Variants in PLG observed in about 807,000 individuals in gnomAD.
PLG encodes the protein plasminogen.
A neutral mutation model predicts 104.4 loss-of-function variants in PLG; 41 were observed. That is an observed-to-expected ratio of 0.39 (90% confidence interval 0.31 to 0.51). PLG has a LOEUF of 0.51. PLG is among the 20% of genes least tolerant of loss of function. PLG has a pLI of 0.76. For missense variants in PLG, 891 were observed against 1,003.6 expected, an observed-to-expected ratio of 0.89 and a Z score of 1.52; for synonymous variants, 337 against 357.1, an observed-to-expected ratio of 0.94 and a Z score of 0.63.
Position 160,734,643 on chromosome 6 carries a change from A to T in PLG, c.1681+555A>T, listed in dbSNP as rs900269845. Reference sequence around the variant, plus strand: ...AGACTGCTTGTTGGGTTCCATCCTCATTGCTCTGAGACTCTTGTTGGGAGT... The same window carrying T: ...AGACTGCTTGTTGGGTTCCATCCTCTTTGCTCTGAGACTCTTGTTGGGAGT... On this transcript the variant is annotated intron_variant, in intron 13 of 18. Transcript: ENST00000308192. The surrounding 1 kb of genome is among the most constrained non-coding windows in gnomAD (Gnocchi z 4.4). Among the ~76,000 whole-genome samples the T allele has an allele frequency of 3.3e-5, 5 of 150,796 alleles. No homozygotes were observed. Among genetic ancestry groups the T allele is most frequent in the African/African-American group, 1.2e-4 (5 of 40,974 alleles).
intron 3 of PLG, chr6:160,708,394 A>G (rs896148533): frequency 4.6e-5 from 7 of 152,846 alleles, no homozygotes; most frequent in African/African-American, 1.7e-4. Context: ...ATGTGGGTCA[A>G]TAGTCCCACT....
Position 160,741,988 on chromosome 6 carries a change from T to TAC in PLG, c.2125+572_2125+573dup, listed in dbSNP as rs1778204621. Among the ~76,000 whole-genome samples the TAC allele has an allele frequency of 6.6e-6, 1 of 152,180 alleles. No homozygotes were observed. The highest frequency in any genetic ancestry group is 6.5e-5 in the Admixed American group (1 of 15,268). ...CCATTCATGTTCCTGTAAAAGATAT[T>TAC]ACCTCATTCTTTCTTATGGCTAAAC... On this transcript the variant is annotated intron_variant, in intron 17 of 18. Transcript: ENST00000308192. The surrounding 1 kb of genome is among the most constrained non-coding windows in gnomAD (Gnocchi z 4.7).
rs529973150 is a variant in PLG at position 160,726,839 on chromosome 6, T to C, written c.1257-4212T>C. On this transcript the variant is annotated intron_variant, in intron 10 of 18. Coordinates refer to ENST00000308192, the MANE Select transcript of PLG (RefSeq NM_000301.5). The surrounding 1 kb of genome is among the most constrained non-coding windows in gnomAD (Gnocchi z 4.4). ...TTAAAGGGGTCTTAAGACCAAAAAC[T>C]TTGAGAACTGTTGATTTAAGATAAC... Among the ~76,000 whole-genome samples, 69 of 151,870 alleles carry C rather than the reference T, an allele frequency of 4.5e-4. No homozygotes were observed. Among genetic ancestry groups the C allele is most frequent in the Non-Finnish European group, 9.6e-4 (65 of 67,854 alleles).
chr6:160,747,653 T>G (rs141847071), intron 17 of PLG, among the ~76,000 whole-genome samples: 89 of 152,306 alleles, frequency 5.8e-4, no homozygotes, highest in African/African-American at 2.1e-3. Flanking sequence ...TAATCAAACA[T>G]TTAAAAACGA....
intron 17 of PLG, among the ~76,000 whole-genome samples, chr6:160,747,141 A>G (rs1397393278): frequency 6.6e-6 from 1 of 152,188 alleles, no homozygotes; most frequent in Non-Finnish European, 1.5e-5. Flanking sequence ...CCAAATACCC[A>G]CATGTCTAAT....
At chr6:160,743,405 T>C (rs909741222) in intron 17 of PLG, among the ~76,000 whole-genome samples, 4 of 152,248 alleles carry the variant, frequency 2.6e-5, no homozygotes, top group African/African-American at 4.8e-5. Context: ...TTACATATTT[T>C]ATTCTTTTTG....
intron 1 of PLG, among the ~76,000 whole-genome samples, chr6:160,703,791 C>G (rs1386009739): frequency 6.6e-6 from 1 of 152,196 alleles, no homozygotes; most frequent in African/African-American, 2.4e-5. Context: ...GTGGGCTACA[C>G]CCAAAGGCTA....
rs1778119203 is a variant in PLG at position 160,738,123 on chromosome 6, T to A, written c.1803-415T>A. Among the ~76,000 whole-genome samples the A allele has an allele frequency of 1.3e-5, 2 of 152,230 alleles. No individual in the cohort carries two copies. On this transcript the variant is annotated intron_variant, in intron 14 of 18. Transcript: ENST00000308192. This position sits in a 1 kb window ranked among gnomAD's most constrained non-coding sequence, Gnocchi z 6.8. ...TGAGTCACTGCTGCTCAGGATCACA[T>A]CTGGCTCCTTGAAGAGTGATTCATC... is the stretch of plus-strand genomic sequence containing the variant.
intron 4 of PLG, 171 bp downstream of exon 4, chr6:160,711,362 C>A (rs1289227407): frequency 8.5e-6 from 6 of 703,122 alleles, no homozygotes; most frequent in Non-Finnish European, 1.4e-5. Context: ...CTTGTATAAT[C>A]CCTAATATAA....
At chr6:160,727,154 A>AC (rs1056009645) in intron 10 of PLG, among the ~76,000 whole-genome samples, 3 of 151,952 alleles carry the variant, frequency 2.0e-5, no homozygotes. Flanking sequence ...GAGCAACTTT[A>AC]CGTTAACAAA....
At chr6:160,722,805 G>A (rs1436630204) in intron 10 of PLG, among the ~76,000 whole-genome samples, 1 of 152,122 alleles carries the variant, frequency 6.6e-6, no homozygotes, top group Non-Finnish European at 1.5e-5. Flanking sequence ...TGGAGGTGAT[G>A]AGGTCACATT....
At position 160,739,678 on chromosome 6, in the gene PLG, T is replaced by C. The variant is rs924010839; in HGVS notation, c.2018+470T>C. On this transcript the variant is annotated intron_variant, in intron 16 of 18. Coordinates refer to ENST00000308192, the MANE Select transcript of PLG (RefSeq NM_000301.5). The surrounding 1 kb of genome is among the most constrained non-coding windows in gnomAD (Gnocchi z 4.4). Reference sequence around the variant, plus strand: ...TGGGAGGCTGAGGCAGGAGGGTCACTTGAGTCCCGGAGTTTGAGGCTGCAG... The same window carrying C: ...TGGGAGGCTGAGGCAGGAGGGTCACCTGAGTCCCGGAGTTTGAGGCTGCAG... Among the ~76,000 whole-genome samples, 1 of 151,288 alleles carries C rather than the reference T, an allele frequency of 6.6e-6. No homozygotes were observed. The highest frequency in any genetic ancestry group is 2.4e-5 in the African/African-American group (1 of 41,208).
rs1337295454 is a variant in PLG at position 160,737,893 on chromosome 6, C to T, written c.1803-645C>T. ...TATTTCAGATTCATTCTTTCCTAAACTATGTGGTGGTCTACGTCCTCACTG... is the reference window on the plus strand; with the variant it reads ...TATTTCAGATTCATTCTTTCCTAAATTATGTGGTGGTCTACGTCCTCACTG... On this transcript the variant is annotated intron_variant, in intron 14 of 18. Transcript: ENST00000308192. The surrounding 1 kb of genome is among the most constrained non-coding windows in gnomAD (Gnocchi z 4.7). 6.6e-6 allele frequency among the ~76,000 whole-genome samples: 1 copy of T among 151,676 alleles called. No homozygotes were observed. The highest frequency in any genetic ancestry group is 2.0e-4 in the East Asian group (1 of 5,088).
At chr6:160,721,157 A>G (rs1054680237) in intron 9 of PLG, among the ~76,000 whole-genome samples, 1 of 152,190 alleles carries the variant, frequency 6.6e-6, no homozygotes, top group African/African-American at 2.4e-5. Context: ...ATACTAATGT[A>G]GGTATCACAC....
Position 160,711,071 on chromosome 6 carries a change from C to T in PLG, c.293-6C>T, listed in dbSNP as rs201195910. 2 of 1,612,956 alleles carry T rather than the reference C, an allele frequency of 1.2e-6. No individual in the cohort carries two copies. The highest frequency in any genetic ancestry group is 8.5e-7 in the Non-Finnish European group (1 of 1,179,132). On this transcript the variant is annotated splice_polypyrimidine_tract_variant and splice_region_variant and intron_variant, in intron 3 of 18. Transcript: ENST00000308192. ...GACTTTGACCACTGTGTGGACTTCC[C>T]TTCAGTGTATCTCTCAGAGTGCAAG...
At position 160,738,936 on chromosome 6, in the gene PLG, G is replaced by T. The variant is rs973468155; in HGVS notation, c.1878-132G>T. ...CTGTTTCAAGCAAATCATGAATTTT[G>T]CTTCTTGCCACTCAGAAGTCACTAA... is the stretch of plus-strand genomic sequence containing the variant. On this transcript the variant is annotated intron_variant, in intron 15 of 18. Transcript: ENST00000308192. The surrounding 1 kb of genome is among the most constrained non-coding windows in gnomAD (Gnocchi z 6.8). 2 of 1,021,832 alleles carry T rather than the reference G, an allele frequency of 2.0e-6. No individual in the cohort carries two copies. Among genetic ancestry groups the T allele is most frequent in the Non-Finnish European group, 3.1e-6 (2 of 649,506 alleles). The allele number at this position is 1,021,832 out of a possible 1,614,324, so 63.3% of individuals were successfully genotyped here. A position where few individuals can be genotyped will look rare whatever the true frequency, so the allele number is the denominator to read the frequency against.
chr6:160,704,889 T>C (rs1777489076), intron 1 of PLG, among the ~76,000 whole-genome samples: 1 of 152,210 alleles, frequency 6.6e-6, no homozygotes, highest in African/African-American at 2.4e-5. Context: ...AATGAAAATC[T>C]GTTCATTTGC....
In PLG at chr6:160,724,405, A is replaced by C. The variant is rs969823763; in HGVS notation, c.1256+1838A>C. On this transcript the variant is annotated intron_variant, in intron 10 of 18. Coordinates refer to ENST00000308192, the MANE Select transcript of PLG (RefSeq NM_000301.5). The surrounding 1 kb of genome is among the most constrained non-coding windows in gnomAD (Gnocchi z 5.0). ...ACTAGAAAATAATTCAATAGAAGTG[A>C]TACAAACTGCAGCACACACATACAA... 6.6e-6 allele frequency among the ~76,000 whole-genome samples: 1 copy of C among 152,188 alleles called. No homozygotes were observed. Among genetic ancestry groups the C allele is most frequent in the Non-Finnish European group, 1.5e-5 (1 of 68,032 alleles).
intron 7 of PLG, among the ~76,000 whole-genome samples, chr6:160,717,595 G>T (rs571403647): frequency 6.6e-5 from 10 of 151,756 alleles, no homozygotes; most frequent in Non-Finnish European, 1.3e-4. Flanking sequence ...TGGCTTTTAT[G>T]GCATGTTGGG....
Sources: allele counts gnomAD v4.1 joint callset (sites outside exome capture counted in the v4.1 genomes callset), GRCh38; gene constraint gnomAD v4.1.1; non-coding constraint Gnocchi (gnomAD v3.1); transcripts MANE v1.5; gene names NCBI Gene and HGNC (gene_info 2026-07-23, HGNC 2026-07-21).